MTUS1: variants seen among roughly 807,000 people sequenced by gnomAD.
The protein encoded by MTUS1 is microtubule associated scaffold protein 1.
In MTUS1, 109 loss-of-function variants were observed where a neutral mutation model predicts 120.8. That is an observed-to-expected ratio of 0.90 (90% CI 0.77 to 1.06). The LOEUF (loss-of-function observed/expected upper bound fraction) is 1.06, where lower values mean the gene tolerates loss of function less well. Ranked by LOEUF, MTUS1 falls within the 50% of genes least tolerant of loss-of-function variation. The pLI is 0.00. For missense variants in MTUS1, 2,210 were observed against 1,486.3 expected, an observed-to-expected ratio of 1.49 and a Z score of -8.01; for synonymous variants, 737 against 550.5, an observed-to-expected ratio of 1.34 and a Z score of -4.74.
chr8:17,665,183 A>G (rs1246639779), intron 8 of MTUS1, among the ~76,000 whole-genome samples: 1 of 152,232 alleles, frequency 6.6e-6, no homozygotes, highest in East Asian at 1.9e-4. Flanking sequence ...GACAAGTGGT[A>G]GACCAGGTTC....
intron 7 of MTUS1, chr8:17,676,347 C>T: frequency 4.3e-6 from 3 of 702,966 alleles, no homozygotes; most frequent in Non-Finnish European, 7.8e-6. Flanking sequence ...CTTCTGTCTC[C>T]AAGTCCCCCC....
intron 1 of MTUS1, among the ~76,000 whole-genome samples, chr8:17,800,314 C>T (rs1181798678): frequency 6.6e-6 from 1 of 152,148 alleles, no homozygotes; most frequent in East Asian, 1.9e-4. Context: ...TTGAAAGCTT[C>T]CACGCACCGT....
chr8:17,797,448 A>AGAG (rs71215274), intron 1 of MTUS1, among the ~76,000 whole-genome samples: 2 of 6,866 alleles, frequency 2.9e-4, no homozygotes, highest in Non-Finnish European at 1.5e-3. Context: ...ATAAAAAGTT[A>AGAG]GAAGAAATTA....
intron 8 of MTUS1, among the ~76,000 whole-genome samples, chr8:17,663,538 C>T (rs1323064551): frequency 1.3e-5 from 2 of 152,170 alleles, no homozygotes; most frequent in Admixed American, 1.3e-4. Flanking sequence ...TCACACCACT[C>T]AGCTGCTACA....
Position 17,753,788 on chromosome 8 carries a change from T to C in MTUS1, c.2020A>G (p.Thr674Ala). ...PEKKGEKENGTSMEKQELKQE... is the reference protein window; with the variant it reads ...PEKKGEKENGASMEKQELKQE... ...TTCAGCTCTTGTTTTTCCATAGATG[T>C]CCCATTTTCTTTTTCACCCTTCTTT... Residue 674 changes from threonine to alanine, a missense_variant, in exon 2 of 15, where the codon ACA (threonine) becomes GCA (alanine). Thr to Ala is a moderately conservative substitution (Grantham distance 58, BLOSUM62 0). Coordinates refer to ENST00000693296, the MANE Select transcript of MTUS1 (RefSeq NM_001363059.2). The C allele has an allele frequency of 6.2e-7, 1 of 1,613,476 alleles. No homozygotes were observed. Among genetic ancestry groups the C allele is most frequent in the Non-Finnish European group, 8.5e-7 (1 of 1,179,902 alleles).
In MTUS1 at chr8:17,670,985, G is replaced by C. The variant is rs185861185; in HGVS notation, c.2905+4201C>G. Among the ~76,000 whole-genome samples the C allele has an allele frequency of 1.4e-4, 22 of 152,238 alleles. No homozygotes were observed. The South Asian group carries it at 3.1e-3, about 22-fold the overall frequency. On this transcript the variant is annotated intron_variant, in intron 8 of 14. Coordinates refer to ENST00000693296, the MANE Select transcript of MTUS1 (RefSeq NM_001363059.2). Reference sequence around the variant, plus strand: ...AGGTTAAATCAGTGTTTGCTTCTAGGGGGAGGGGTGTTCCACTGTGAAATG... The same window carrying C: ...AGGTTAAATCAGTGTTTGCTTCTAGCGGGAGGGGTGTTCCACTGTGAAATG...
chr8:17,701,225 AT>A (rs942355571), intron 6 of MTUS1, among the ~76,000 whole-genome samples: 11 of 152,130 alleles, frequency 7.2e-5, no homozygotes, highest in African/African-American at 2.4e-4. Flanking sequence ...TAATTGCAAC[AT>A]TTTCTTCATT....
chr8:17,682,309 A>T (rs941490131), intron 7 of MTUS1, among the ~76,000 whole-genome samples: 6 of 152,140 alleles, frequency 3.9e-5, no homozygotes, highest in African/African-American at 7.2e-5. Context: ...TGAGGTCAGG[A>T]GTTCAAGACC....
At chr8:17,768,886 A>C (rs886177199) in intron 1 of MTUS1, among the ~76,000 whole-genome samples, 1 of 152,194 alleles carries the variant, frequency 6.6e-6, no homozygotes, top group Non-Finnish European at 1.5e-5. Flanking sequence ...TTAAACAATT[A>C]ATGGTATTTT....
At chr8:17,741,222 G>A (rs896799535) in intron 3 of MTUS1, among the ~76,000 whole-genome samples, 1 of 151,950 alleles carries the variant, frequency 6.6e-6, no homozygotes, top group African/African-American at 2.4e-5. Flanking sequence ...TACTGGATTA[G>A]GATCCCACTC....
At chr8:17,713,146 A>G (rs1347873551) in intron 6 of MTUS1, 68 bp downstream of exon 6, 9 of 1,257,420 alleles carry the variant, frequency 7.2e-6, no homozygotes, top group Non-Finnish European at 9.2e-6. Context: ...AAATCACTGT[A>G]AATACTTGTA....
At chr8:17,782,700 T>G (rs1022288519) in intron 1 of MTUS1, among the ~76,000 whole-genome samples, 1 of 152,322 alleles carries the variant, frequency 6.6e-6, no homozygotes, top group East Asian at 1.9e-4. Context: ...TGTAAAGAAT[T>G]GTAACATCTT....
intron 6 of MTUS1, among the ~76,000 whole-genome samples, chr8:17,687,850 G>T (rs1453933150): frequency 2.0e-5 from 3 of 152,184 alleles, no homozygotes; most frequent in African/African-American, 7.2e-5. Flanking sequence ...GTGCAATGAA[G>T]TCATGTATCA....
In MTUS1 at chr8:17,676,272, T is replaced by C. The variant is rs1444935260; in HGVS notation, c.2839-1020A>G. 7 of 703,062 alleles carry C rather than the reference T, an allele frequency of 1.0e-5. No homozygotes were observed. In the East Asian group the frequency reaches 1.9e-4, roughly 19 times the overall value. 43.6% of individuals were successfully genotyped at this position (703,062 alleles called of 1,614,324 possible). ...GAAAAGCACTATAAACAAATACTAA[T>C]TACCCTTGTTGCTGCACATGGAGAA... On this transcript the variant is annotated intron_variant, in intron 7 of 14. Coordinates refer to ENST00000693296, the MANE Select transcript of MTUS1 (RefSeq NM_001363059.2).
chr8:17,741,618 T>G (rs1484824770), intron 3 of MTUS1, among the ~76,000 whole-genome samples: 1 of 152,240 alleles, frequency 6.6e-6, no homozygotes, highest in Non-Finnish European at 1.5e-5. Flanking sequence ...GTAAAAGGAC[T>G]TAACAACTAC....
chr8:17,794,850 C>G (rs2052091160), intron 1 of MTUS1, among the ~76,000 whole-genome samples: 1 of 152,164 alleles, frequency 6.6e-6, no homozygotes, highest in Non-Finnish European at 1.5e-5. Context: ...ATCTCAGAAA[C>G]TGCTCATATC....
chr8:17,669,891 T>C (rs1021119962), intron 8 of MTUS1, among the ~76,000 whole-genome samples: 15 of 152,158 alleles, frequency 9.9e-5, no homozygotes, highest in African/African-American at 3.6e-4. Flanking sequence ...CATGTCAGCC[T>C]GACTCTAAGT....
intron 1 of MTUS1, among the ~76,000 whole-genome samples, chr8:17,799,216 T>G (rs1020990228): frequency 6.6e-6 from 1 of 152,090 alleles, no homozygotes; most frequent in African/African-American, 2.4e-5. Context: ...ACATAAAGTT[T>G]TAAAAACGTA....
chr8:17,741,067 C>T (rs1377089902), intron 3 of MTUS1, among the ~76,000 whole-genome samples: 1 of 151,908 alleles, frequency 6.6e-6, no homozygotes, highest in Non-Finnish European at 1.5e-5. Flanking sequence ...GAAGGGGTTT[C>T]CCCACATTCC....
Sources: gnomAD v4.1 joint callset for allele counts (sites outside exome capture counted in the v4.1 genomes callset) on GRCh38, gnomAD v4.1.1 for gene constraint, MANE v1.5 for transcripts, NCBI Gene and HGNC (gene_info 2026-07-23, HGNC 2026-07-21) for gene names.